Variants in PDE11A observed in about 807,000 individuals in gnomAD.
The protein encoded by PDE11A is phosphodiesterase 11A, also known as dual 3',5'-cyclic-AMP and -GMP phosphodiesterase 11A.
PDE11A carries 100 observed loss-of-function variants against 100.5 expected under a neutral mutation model. The observed-to-expected ratio is 1.00, with a 90% CI of 0.85 to 1.18. The LOEUF is 1.18. PDE11A is among the 50% of genes most tolerant of loss of function. The probability of loss-of-function intolerance (pLI) is 0.00; values close to 1 mark genes in which losing one functional copy is unlikely to be tolerated. For missense variants in PDE11A, 1,141 were observed against 1,152.6 expected (o/e 0.99, Z 0.15); for synonymous variants, 381 against 420.8 (o/e 0.91, Z 1.16).
intron 1 of PDE11A, among the ~76,000 whole-genome samples, chr2:178,059,333 C>A (rs1389524300): frequency 6.6e-6 from 1 of 152,038 alleles, no homozygotes; most frequent in Non-Finnish European, 1.5e-5. Flanking sequence ...GATGTCCCCA[C>A]CCCAGGCCGG....
chr2:177,766,850 T>C (rs111572832), intron 10 of PDE11A, among the ~76,000 whole-genome samples: 3 of 152,258 alleles, frequency 2.0e-5, no homozygotes, highest in African/African-American at 7.2e-5. Flanking sequence ...TCTGTCATGA[T>C]AAAATCTGGA....
intron 3 of PDE11A, 32 bp downstream of exon 3, chr2:177,905,066 G>A (rs751790807): frequency 1.8e-6 from 2 of 1,108,246 alleles, no homozygotes; most frequent in East Asian, 2.3e-5. Flanking sequence ...AGAGAGTTTT[G>A]AGGAGTGTCA....
chr2:178,107,971 C>T (rs2087641338), intron 1 of PDE11A, among the ~76,000 whole-genome samples: 1 of 152,110 alleles, frequency 6.6e-6, no homozygotes, highest in Non-Finnish European at 1.5e-5. Context: ...CCGCCTGCCA[C>T]GGCTTCCCAA....
Position 178,072,505 on chromosome 2 carries a change from C to CACA in PDE11A, c.-69_-68insTGT. Reference sequence around the variant, plus strand: ...TGTTTTCCTGCCCCGAGGCCTCTAGCTGTTCCTGCACATGTTCACCCCCAC... The same window carrying CACA: ...TGTTTTCCTGCCCCGAGGCCTCTAGCACATGTTCCTGCACATGTTCACCCCCAC... On this transcript the variant is annotated 5_prime_UTR_variant, in exon 1 of 20. In the 5' UTR this introduces an upstream ATG that the reference lacks. Transcript: ENST00000286063. The CACA allele has an allele frequency of 6.3e-7, 1 of 1,597,694 alleles. No homozygotes were observed. The highest frequency in any genetic ancestry group is 2.2e-5 in the East Asian group (1 of 44,452).
intron 1 of PDE11A, among the ~76,000 whole-genome samples, chr2:178,060,157 T>A (rs141051051): frequency 1.1e-3 from 165 of 152,252 alleles, no homozygotes; most frequent in Admixed American, 8.6e-3. Context: ...AAGGAAAGAA[T>A]CCTCTCTTGG....
Position 178,014,414 on chromosome 2 carries a change from G to A in PDE11A, c.959C>T (p.Thr320Ile). 1.2e-6 allele frequency: 2 copies of A among 1,612,918 alleles called. No homozygotes were observed. The highest frequency in any genetic ancestry group is 1.7e-6 in the Non-Finnish European group (2 of 1,178,996). Reference sequence around the variant, plus strand: ...GATAGGCATGCACAATAATGATTTTGTCTTGTATCCAGTTAGCTTGTCGAT... The same window carrying A: ...GATAGGCATGCACAATAATGATTTTATCTTGTATCCAGTTAGCTTGTCGAT... Reference protein sequence around the residue: ...DEIDKLTGYKTKSLLCMPIRS... With the variant: ...DEIDKLTGYKIKSLLCMPIRS... Residue 320 changes from threonine to isoleucine, a missense_variant, in exon 2 of 20, where the codon ACA becomes ATA. Coordinates refer to ENST00000286063, the MANE Select transcript of PDE11A (RefSeq NM_016953.4).
At chr2:177,844,571 G>T (rs181770265) in intron 5 of PDE11A, among the ~76,000 whole-genome samples, 4,167 of 149,794 alleles carry the variant, frequency 0.028, 186 homozygotes, top group African/African-American at 0.098. Context: ...GATAATTCTT[G>T]GGTGTTTCTC....
chr2:177,855,903 AACAC>A (rs57202805), intron 5 of PDE11A, among the ~76,000 whole-genome samples: 21,647 of 139,318 alleles, frequency 0.16, 1,724 homozygotes, highest in South Asian at 0.22. Flanking sequence ...GAACGTATGC[AACAC>A]ACACACACAC....
At chr2:177,703,108 T>C (rs2081225190) in intron 13 of PDE11A, among the ~76,000 whole-genome samples, 1 of 152,164 alleles carries the variant, frequency 6.6e-6, no homozygotes, top group Non-Finnish European at 1.5e-5. Context: ...TGGTTGCTTG[T>C]CTAATAAGCT....
At chr2:177,961,546 A>G (rs1265740386) in intron 2 of PDE11A, among the ~76,000 whole-genome samples, 1 of 152,176 alleles carries the variant, frequency 6.6e-6, no homozygotes, top group Non-Finnish European at 1.5e-5. Flanking sequence ...CTTGAAACCA[A>G]TTCCCACATT....
At chr2:177,736,210 G>C (rs1002489932) in intron 10 of PDE11A, among the ~76,000 whole-genome samples, 2 of 152,140 alleles carry the variant, frequency 1.3e-5, no homozygotes, top group Non-Finnish European at 2.9e-5. Context: ...GCTCCCGGGG[G>C]AGATAAGTAA....
At chr2:177,709,552 A>G (rs545307494) in intron 13 of PDE11A, among the ~76,000 whole-genome samples, 7 of 152,278 alleles carry the variant, frequency 4.6e-5, no homozygotes, top group African/African-American at 1.7e-4. Context: ...AAGTGCCTGG[A>G]GATAAGCTGG....
At chr2:178,015,950 T>C (rs1352221090) in intron 1 of PDE11A, among the ~76,000 whole-genome samples, 1 of 152,006 alleles carries the variant, frequency 6.6e-6, no homozygotes, top group East Asian at 1.9e-4. Context: ...TAAAGGAGGC[T>C]TAAAAGACAA....
chr2:177,731,076 T>C (rs1574087242), intron 10 of PDE11A, among the ~76,000 whole-genome samples: 1 of 152,242 alleles, frequency 6.6e-6, no homozygotes, highest in East Asian at 1.9e-4. Flanking sequence ...CTCAGCATAA[T>C]GTCCTCAAAG....
At chr2:178,086,526 ACCAC>A (rs1212633402) in intron 2 of PDE11A, among the ~76,000 whole-genome samples, 2 of 152,214 alleles carry the variant, frequency 1.3e-5, no homozygotes, top group Non-Finnish European at 2.9e-5. Flanking sequence ...ATTTAAAATG[ACCAC>A]CCTATTTTTA....
At chr2:177,859,852 C>T (rs2105667198) in intron 5 of PDE11A, among the ~76,000 whole-genome samples, 1 of 151,694 alleles carries the variant, frequency 6.6e-6, no homozygotes, top group Admixed American at 6.6e-5. Context: ...TAAAACAATA[C>T]TTCTAACAAA....
chr2:178,011,261 C>CA (rs994764806), intron 2 of PDE11A, among the ~76,000 whole-genome samples: 2 of 151,668 alleles, frequency 1.3e-5, no homozygotes, highest in Non-Finnish European at 2.9e-5. Context: ...ATGATGAGAG[C>CA]AAAAAAATAG....
At chr2:178,084,206 CA>C (rs2087321436) in intron 2 of PDE11A, among the ~76,000 whole-genome samples, 1 of 152,120 alleles carries the variant, frequency 6.6e-6, no homozygotes, top group East Asian at 1.9e-4. Flanking sequence ...ATTAACACTC[CA>C]AGGTAAAAAG....
intron 6 of PDE11A, among the ~76,000 whole-genome samples, chr2:177,834,493 G>T (rs2083359982): frequency 6.6e-6 from 1 of 152,308 alleles, no homozygotes; most frequent in East Asian, 1.9e-4. Context: ...TCACCCCAAT[G>T]GTTGCAGGCA....
Sources: allele counts gnomAD v4.1 joint callset (sites outside exome capture counted in the v4.1 genomes callset), GRCh38; gene constraint gnomAD v4.1.1; transcripts MANE v1.5; gene names NCBI Gene and HGNC (gene_info 2026-07-23, HGNC 2026-07-21).